Variants in SFMBT2 observed in about 807,000 individuals in gnomAD.
SFMBT2 encodes scm-like with four MBT domains protein 2.
A neutral mutation model predicts 110.1 loss-of-function variants in SFMBT2; 38 were observed. The ratio of observed to expected loss-of-function variants is 0.35; its 90% CI spans 0.27 to 0.45. The LOEUF is 0.45. Ranked by LOEUF, SFMBT2 falls within the 20% of genes least tolerant of loss-of-function variation. The pLI is 1.00. For synonymous variants in SFMBT2, 425 were observed against 425.4 expected, an observed-to-expected ratio of 1.00 and a Z score of 0.01; for missense variants, 1,011 against 1,094.9, an observed-to-expected ratio of 0.92 and a Z score of 1.08.
At chr10:7,240,273 G>C (rs1363097361) in intron 9 of SFMBT2, among the ~76,000 whole-genome samples, 1 of 152,058 alleles carries the variant, frequency 6.6e-6, no homozygotes, top group Non-Finnish European at 1.5e-5. Flanking sequence ...AACATAGGAA[G>C]TGTCATACGA....
chr10:7,187,957 C>T (rs941695087), intron 16 of SFMBT2, among the ~76,000 whole-genome samples: 1 of 152,174 alleles, frequency 6.6e-6, no homozygotes, highest in Non-Finnish European at 1.5e-5. Flanking sequence ...AACAATTATT[C>T]AACATAAAAT....
chr10:7,182,829 C>T (rs1372472461), intron 16 of SFMBT2, among the ~76,000 whole-genome samples: 2 of 151,222 alleles, frequency 1.3e-5, no homozygotes, highest in Non-Finnish European at 2.9e-5. Flanking sequence ...AACTAACCTG[C>T]ACATTGTGCA....
intron 2 of SFMBT2, among the ~76,000 whole-genome samples, chr10:7,373,191 C>A (rs111266449): frequency 3.9e-5 from 6 of 152,222 alleles, no homozygotes; most frequent in African/African-American, 1.4e-4. Context: ...TGACTTCCCT[C>A]GAGAGTGGGT....
At chr10:7,325,124 C>T (rs1050038308) in intron 4 of SFMBT2, among the ~76,000 whole-genome samples, 26 of 151,996 alleles carry the variant, frequency 1.7e-4, no homozygotes, top group Non-Finnish European at 2.8e-4. Context: ...CCCGCCACCA[C>T]GTCCGGCTAA....
At chr10:7,386,970 G>A (rs1207008882) in intron 1 of SFMBT2, among the ~76,000 whole-genome samples, 3 of 152,158 alleles carry the variant, frequency 2.0e-5, no homozygotes, top group Non-Finnish European at 4.4e-5. Context: ...ACTGGCTCCA[G>A]AAACCACGCC....
At chr10:7,220,608 G>C in intron 10 of SFMBT2, 71 bp from the exon 11 acceptor site, 1 of 1,559,622 alleles carries the variant, frequency 6.4e-7, no homozygotes, top group African/African-American at 1.4e-5. Context: ...GATGAAGAAA[G>C]AGAAAGAAAT....
At position 7,172,039 on chromosome 10, in the gene SFMBT2, G is replaced by A. The variant is rs370293109; in HGVS notation, c.2271C>T (p.Pro757=). 2.8e-4 allele frequency: 445 copies of A among 1,591,616 alleles called. 1 individual carries two copies. The highest frequency in any genetic ancestry group is 3.6e-4 in the Non-Finnish European group (421 of 1,169,856). ...TSSAEVPSAR[P]RRAVTLRSGS... Reference sequence around the variant, plus strand: ...CGCTCCGCAGGGTGACGGCCCTCCGGGGCCGGGCCGAGGGCACCTCCGCCG... The same window carrying A: ...CGCTCCGCAGGGTGACGGCCCTCCGAGGCCGGGCCGAGGGCACCTCCGCCG... Residue 757 remains proline (P), a synonymous_variant, in exon 19 of 21, where the codon CCC becomes CCT. Coordinates refer to ENST00000397167, the MANE Select transcript of SFMBT2 (RefSeq NM_001387889.1). This position sits in a 1 kb window ranked among gnomAD's most constrained non-coding sequence, Gnocchi z 4.6.
intron 4 of SFMBT2, among the ~76,000 whole-genome samples, chr10:7,360,064 G>A (rs527256224): frequency 5.3e-5 from 8 of 152,314 alleles, no homozygotes; most frequent in South Asian, 2.1e-4. Flanking sequence ...ATTAAACGTC[G>A]TTACCTGGTA....
chr10:7,201,493 T>C (rs973797841), intron 13 of SFMBT2, among the ~76,000 whole-genome samples: 1 of 152,214 alleles, frequency 6.6e-6, no homozygotes, highest in Non-Finnish European at 1.5e-5. Flanking sequence ...AGTCTGGTTA[T>C]GAGCCAGATA....
chr10:7,194,909 C>T (rs189977775), intron 15 of SFMBT2, among the ~76,000 whole-genome samples: 1 of 152,312 alleles, frequency 6.6e-6, no homozygotes, highest in Non-Finnish European at 1.5e-5. Context: ...AACAGCCAGC[C>T]CCTCAAGACA....
intron 2 of SFMBT2, among the ~76,000 whole-genome samples, chr10:7,375,110 A>G (rs1398792242): frequency 2.0e-5 from 3 of 152,246 alleles, no homozygotes; most frequent in Non-Finnish European, 4.4e-5. Flanking sequence ...CTACGAAGAA[A>G]ATTTCACAAT....
chr10:7,194,265 C>T (rs554214317), intron 15 of SFMBT2, among the ~76,000 whole-genome samples: 2 of 152,174 alleles, frequency 1.3e-5, no homozygotes, highest in South Asian at 2.1e-4. Context: ...AGGCCAGACA[C>T]GCTCGTGGTC....
chr10:7,245,686 CA>C (rs2131724929), intron 8 of SFMBT2, among the ~76,000 whole-genome samples: 1 of 152,332 alleles, frequency 6.6e-6, no homozygotes, highest in South Asian at 2.1e-4. Context: ...CTAATCAATA[CA>C]ACACACTTCG....
chr10:7,254,818 C>T (rs1009922055), intron 7 of SFMBT2, among the ~76,000 whole-genome samples: 14 of 151,996 alleles, frequency 9.2e-5, no homozygotes, highest in Admixed American at 7.9e-4. Context: ...CAGAGCAAGA[C>T]TCCGTCTAAA....
rs570097083 is a variant in SFMBT2, at chr10:7,182,976, C to T, written c.1808+5648G>A. Among the ~76,000 whole-genome samples the T allele has an allele frequency of 8.5e-5, 13 of 152,166 alleles. No individual in the cohort carries two copies. The South Asian group carries it at 1.2e-3, about 15-fold the overall frequency. On this transcript the variant is annotated intron_variant, in intron 16 of 20. Coordinates refer to ENST00000397167, the MANE Select transcript of SFMBT2 (RefSeq NM_001387889.1). ...TGAGACGCCGATGTTATTTAATACACGGCCCGGCAAGGCTCTCATAAACAC... is the reference window on the plus strand; with the variant it reads ...TGAGACGCCGATGTTATTTAATACATGGCCCGGCAAGGCTCTCATAAACAC...
At chr10:7,272,854 G>A (rs1841639676) in intron 7 of SFMBT2, among the ~76,000 whole-genome samples, 1 of 152,160 alleles carries the variant, frequency 6.6e-6, no homozygotes, top group East Asian at 1.9e-4. Context: ...GTGCAGTGGT[G>A]CAATCTCAGC....
At chr10:7,249,486 T>C (rs973158715) in intron 7 of SFMBT2, 7 of 981,150 alleles carry the variant, frequency 7.1e-6, no homozygotes, top group African/African-American at 5.3e-5. Context: ...ATGAATGTAT[T>C]TGCAGTCTGT....
Position 7,171,842 on chromosome 10 carries a change from T to A in SFMBT2, c.2415+53A>T. ...CATCGTGGCCCTGAAGTGTAACAGG[T>A]GTGCTTCTTCAGACCCAGCGGGAAG... On this transcript the variant is annotated intron_variant, in intron 19 of 20. Transcript: ENST00000397167. The surrounding 1 kb of genome is among the most constrained non-coding windows in gnomAD (Gnocchi z 4.9). The A allele has an allele frequency of 7.3e-7, 1 of 1,373,618 alleles. No homozygotes were observed. Among genetic ancestry groups the A allele is most frequent in the Admixed American group, 3.4e-5 (1 of 29,566 alleles). 85.1% of individuals were successfully genotyped at this position (1,373,618 alleles called of 1,614,324 possible). A position where few individuals can be genotyped will look rare whatever the true frequency, so the allele number is the denominator to read the frequency against.
chr10:7,366,459 C>T (rs1327887688), intron 4 of SFMBT2, among the ~76,000 whole-genome samples: 1 of 151,466 alleles, frequency 6.6e-6, no homozygotes, highest in Non-Finnish European at 1.5e-5. Context: ...GATAGAGCTC[C>T]GATACCGTGA....
Sources: gnomAD v4.1 joint callset for allele counts (sites outside exome capture counted in the v4.1 genomes callset) on GRCh38, gnomAD v4.1.1 for gene constraint, Gnocchi (gnomAD v3.1) non-coding constraint, MANE v1.5 for transcripts, NCBI Gene and HGNC (gene_info 2026-07-23, HGNC 2026-07-21) for gene names.